The following XPA variants were observed in gnomAD, a reference collection of about 807,000 sequenced individuals.
XPA encodes the protein DNA repair protein complementing XP-A cells.
In XPA, 27 loss-of-function variants were observed where a neutral mutation model predicts 35.7. The observed-to-expected ratio is 0.76, with a 90% CI of 0.56 to 1.04. The LOEUF is 1.04. XPA is among the 50% of genes least tolerant of loss of function. XPA has a pLI of 0.00. For missense variants in XPA, 354 were observed against 342.7 expected, an observed-to-expected ratio of 1.03 and a Z score of -0.26; for synonymous variants, 133 against 118.4, an observed-to-expected ratio of 1.12 and a Z score of -0.80.
chr9:97,658,307 T>C, the XPA span, among the ~76,000 whole-genome samples: 3,664 of 152,326 alleles, frequency 0.024, 135 homozygotes, highest in East Asian at 0.13. Context: ...TTGGCTTCCA[T>C]TATCCTCAAT....
the XPA span, chr9:97,655,967 G>A: frequency 6.5e-7 from 1 of 1,546,454 alleles, no homozygotes; most frequent in Non-Finnish European, 8.9e-7. Context: ...GGGTGTAAGT[G>A]CAGATTATAT....
the XPA span, chr9:97,658,543 C>A: frequency 3.3e-6 from 3 of 905,808 alleles, no homozygotes; most frequent in South Asian, 1.4e-5. Flanking sequence ...CAGCTGAGTT[C>A]AAGTTGTTGG....
At chr9:97,679,187 T>C (rs973810035) in intron 5 of XPA, among the ~76,000 whole-genome samples, 2 of 152,180 alleles carry the variant, frequency 1.3e-5, no homozygotes, top group African/African-American at 4.8e-5. Flanking sequence ...TTAGGAAATA[T>C]ACACTGTAAT....
At chr9:97,670,765 A>C (rs923736310), downstream of XPA, among the ~76,000 whole-genome samples, 1 of 152,200 alleles carries the variant, frequency 6.6e-6, no homozygotes, top group African/African-American at 2.4e-5. Flanking sequence ...GACTGGGGAG[A>C]GAGCTAGCTG....
the XPA span, among the ~76,000 whole-genome samples, chr9:97,664,070 T>C: frequency 6.6e-6 from 1 of 151,924 alleles, no homozygotes; most frequent in Non-Finnish European, 1.5e-5. Flanking sequence ...TCTGAGCTGC[T>C]CAGGAGGTTG....
At chr9:97,670,764 G>C (rs1450640898), downstream of XPA, among the ~76,000 whole-genome samples, 1 of 152,202 alleles carries the variant, frequency 6.6e-6, no homozygotes, top group African/African-American at 2.4e-5. Flanking sequence ...TGACTGGGGA[G>C]AGAGCTAGCT....
At chr9:97,689,738 C>A (rs1587748513) in intron 2 of XPA, 99 bp from the exon 3 acceptor site, 1 of 625,562 alleles carries the variant, frequency 1.6e-6, no homozygotes, top group Non-Finnish European at 2.8e-6. Flanking sequence ...CAATGCCTGA[C>A]ATAAATACAT....
chr9:97,687,190 TCA>T lies in XPA; in HGVS notation c.459_460del (p.Cys153Ter), dbSNP rs1240801740. The T allele has an allele frequency of 1.9e-5, 30 of 1,611,948 alleles. No individual in the cohort carries two copies. Among genetic ancestry groups the T allele is most frequent in the East Asian group, 2.2e-5 (1 of 44,808 alleles). ...AAGAGGTGGCTCTCTTTTTTCTAAA[TCA>T]CAGTCTTTCAGAAGATATTCTTGTT... On this transcript the variant is annotated stop_gained and frameshift_variant, in exon 4 of 6. Transcript: ENST00000375128. LOFTEE classifies it high-confidence loss of function.
chr9:97,692,936 A>G (rs1010884845), intron 2 of XPA, among the ~76,000 whole-genome samples: 3 of 152,126 alleles, frequency 2.0e-5, no homozygotes, highest in Non-Finnish European at 4.4e-5. Context: ...TTAATCCTTC[A>G]AGTCTCAGCT....
chr9:97,662,896 C>A, the XPA span: 2 of 1,292,464 alleles, frequency 1.5e-6, no homozygotes, highest in Non-Finnish European at 2.2e-6. Flanking sequence ...GCTTTGAAAA[C>A]ACTAAAATGT....
chr9:97,659,535 A>G, the XPA span, among the ~76,000 whole-genome samples: 1 of 152,234 alleles, frequency 6.6e-6, no homozygotes, highest in South Asian at 2.1e-4. Context: ...AGATATGATT[A>G]TCAAAACTAC....
At chr9:97,681,079 T>TTTTTTAAATG (rs1161339090) in intron 5 of XPA, among the ~76,000 whole-genome samples, 3 of 152,238 alleles carry the variant, frequency 2.0e-5, no homozygotes, top group Admixed American at 6.5e-5. Flanking sequence ...AAAATTCTCC[T>TTTTTTAAATG]AAATCCTTTT....
At chr9:97,684,470 T>G (rs1426757441) in intron 5 of XPA, among the ~76,000 whole-genome samples, 1 of 152,212 alleles carries the variant, frequency 6.6e-6, no homozygotes, top group Non-Finnish European at 1.5e-5. Context: ...CACTCCACCT[T>G]TCTGGGTCTT....
chr9:97,664,344 T>C, the XPA span: 14 of 1,599,882 alleles, frequency 8.8e-6, no homozygotes, highest in African/African-American at 1.3e-5. Context: ...TTGTAGATGA[T>C]TGCTGTACTA....
At chr9:97,685,999 TAAGA>T (rs1828706246) in intron 4 of XPA, among the ~76,000 whole-genome samples, 2 of 152,226 alleles carry the variant, frequency 1.3e-5, no homozygotes, top group African/African-American at 4.8e-5. Context: ...CATCAAGTGA[TAAGA>T]AAGCATATGT....
At chr9:97,660,862 A>T in the XPA span, 1 of 1,463,818 alleles carries the variant, frequency 6.8e-7, no homozygotes, top group Admixed American at 2.5e-5. Flanking sequence ...ATTTAAAAAA[A>T]ATTTTTCTCA....
At chr9:97,660,869 CT>C in the XPA span, 1 of 1,476,978 alleles carries the variant, frequency 6.8e-7, no homozygotes, top group African/African-American at 1.4e-5. Flanking sequence ...AAAAATTTTT[CT>C]CAGTTATTTA....
the XPA span, among the ~76,000 whole-genome samples, chr9:97,664,008 G>C: frequency 5.9e-3 from 895 of 151,656 alleles, 4 homozygotes; most frequent in Non-Finnish European, 8.0e-3. Context: ...GTGAAACCCC[G>C]TCTATACTAA....
At chr9:97,680,740 A>C (rs547899227) in intron 5 of XPA, among the ~76,000 whole-genome samples, 2 of 152,314 alleles carry the variant, frequency 1.3e-5, no homozygotes, top group Non-Finnish European at 1.5e-5. Context: ...TCAACTACCT[A>C]CTGCTGAGAA....
Sources: gnomAD v4.1 joint callset for allele counts (sites outside exome capture counted in the v4.1 genomes callset) on GRCh38, gnomAD v4.1.1 for gene constraint, MANE v1.5 for transcripts, NCBI Gene and HGNC (gene_info 2026-07-23, HGNC 2026-07-21) for gene names.